SOX13: variants seen among roughly 807,000 people sequenced by gnomAD.
SOX13 encodes SRY-box transcription factor 13.
In SOX13, 28 loss-of-function variants were observed where a neutral mutation model predicts 71.8. The ratio of observed to expected loss-of-function variants is 0.39; its 90% CI spans 0.29 to 0.53. The LOEUF (loss-of-function observed/expected upper bound fraction) is 0.53. Among genes scored for constraint, SOX13 ranks in the 20% least tolerant of loss-of-function variants. SOX13 has a pLI of 0.70. For synonymous variants in SOX13, 309 were observed against 317.8 expected (o/e 0.97, Z 0.29); for missense variants, 627 against 810.3 (o/e 0.77, Z 2.75).
Position 204,082,474 on chromosome 1 carries a change from G to T in SOX13, c.-2+8763G>T, listed in dbSNP as rs557473581. ...CAAGCACGTTGGGGTTTCAATCCCA[G>T]TATACCTGGGGAGGAGCAGTAGTGG... is the stretch of plus-strand genomic sequence containing the variant. On this transcript the variant is annotated intron_variant, in intron 1 of 13. Transcript: ENST00000367204. 2.6e-5 allele frequency among the ~76,000 whole-genome samples: 4 copies of T among 152,322 alleles called. No homozygotes were observed. In the East Asian group the frequency reaches 7.7e-4, roughly 29 times the overall value.
At chr1:204,108,369 G>A (rs1656512506) in intron 1 of SOX13, among the ~76,000 whole-genome samples, 1 of 152,198 alleles carries the variant, frequency 6.6e-6, no homozygotes, top group African/African-American at 2.4e-5. Flanking sequence ...GTAGCCGCAT[G>A]GGGCAAGTGG....
intron 2 of SOX13, among the ~76,000 whole-genome samples, chr1:204,113,853 T>C (rs1656636131): frequency 6.6e-6 from 1 of 152,020 alleles, no homozygotes; most frequent in Non-Finnish European, 1.5e-5. Flanking sequence ...TGAGTAACTT[T>C]TGCCAGCCCC....
At chr1:204,117,567 C>T in intron 6 of SOX13, 26 bp from the exon 7 acceptor site, 3 of 1,491,078 alleles carry the variant, frequency 2.0e-6, no homozygotes, top group Admixed American at 3.6e-5. Context: ...TCCCTGGGGA[C>T]TCACACAGGG....
At chr1:204,091,242 C>T (rs1290308679) in intron 1 of SOX13, among the ~76,000 whole-genome samples, 1 of 152,184 alleles carries the variant, frequency 6.6e-6, no homozygotes, top group Non-Finnish European at 1.5e-5. Flanking sequence ...AAAGACAAGT[C>T]GCGTTTCCTC....
chr1:204,118,400 G>C (rs1225179838), intron 7 of SOX13: 2 of 151,880 alleles, frequency 1.3e-5, no homozygotes, highest in East Asian at 3.9e-4. Context: ...CTGTCACCTG[G>C]GCTCTGGAGT....
At chr1:204,078,041 T>G (rs1196318084) in intron 1 of SOX13, 1 of 152,252 alleles carries the variant, frequency 6.6e-6, no homozygotes. Flanking sequence ...CTCGAACTCC[T>G]GACCTCAAAT....
intron 1 of SOX13, among the ~76,000 whole-genome samples, chr1:204,107,153 A>G (rs1656486630): frequency 6.6e-6 from 1 of 152,180 alleles, no homozygotes. Context: ...TTCACCCTGT[A>G]TTATCTGATC....
chr1:204,091,727 CGTGTGCGT>C (rs1390894650), intron 1 of SOX13, among the ~76,000 whole-genome samples: 1 of 100,824 alleles, frequency 9.9e-6, no homozygotes, highest in Non-Finnish European at 2.2e-5. Context: ...TCTTTGTGTG[CGTGTGCGT>C]GTGTGTGTGT....
intron 1 of SOX13, among the ~76,000 whole-genome samples, chr1:204,077,400 A>G (rs557597286): frequency 1.3e-5 from 2 of 152,320 alleles, no homozygotes; most frequent in African/African-American, 4.8e-5. Flanking sequence ...AGTTGCCCCA[A>G]GGGAGGGAAA....
At chr1:204,113,723 T>G (rs1392436489) in intron 2 of SOX13, among the ~76,000 whole-genome samples, 5 of 142,582 alleles carry the variant, frequency 3.5e-5, no homozygotes, top group East Asian at 2.1e-4. Context: ...AGGAAGGAGG[T>G]GGGGGGTGGG....
Position 204,116,518 on chromosome 1 carries a change from A to G in SOX13, c.430A>G (p.Ser144Gly). ...EAKDVKGTQE[S>G]LAEKELQLLV... Reference sequence around the variant, plus strand: ...TCACTGTGGAGCAGGGACCCAAGAGAGCCTAGCAGAGAAGGAGCTCCAGCT... The same window carrying G: ...TCACTGTGGAGCAGGGACCCAAGAGGGCCTAGCAGAGAAGGAGCTCCAGCT... The change falls in exon 5 of 14, where the codon AGC (serine) becomes GGC (glycine). Residue 144 changes from serine (S) to glycine (G), a missense_variant. Ser to Gly is a moderately conservative substitution (Grantham distance 56, BLOSUM62 0). This residue lies in a region of SOX13 where 447 missense variants were observed against 532.2 expected (regional missense o/e 0.84). Transcript: ENST00000367204. The G allele has an allele frequency of 6.2e-7, 1 of 1,613,874 alleles. No individual in the cohort carries two copies. The highest frequency in any genetic ancestry group is 2.2e-5 in the East Asian group (1 of 44,876).
chr1:204,106,847 G>A (rs1184635889), intron 1 of SOX13, among the ~76,000 whole-genome samples: 2 of 152,182 alleles, frequency 1.3e-5, no homozygotes, highest in Non-Finnish European at 2.9e-5. Flanking sequence ...ATTACCAATT[G>A]TGATAAATAC....
chr1:204,103,985 C>G (rs1041716024), intron 1 of SOX13, among the ~76,000 whole-genome samples: 1 of 152,222 alleles, frequency 6.6e-6, no homozygotes, highest in Non-Finnish European at 1.5e-5. Context: ...GGAGAAGACT[C>G]AGGTGCCTCT....
In SOX13 at chr1:204,095,225, G is replaced by A. The variant is rs145021808; in HGVS notation, c.-1-17690G>A. Among the ~76,000 whole-genome samples the A allele has an allele frequency of 3.9e-4, 60 of 152,294 alleles. 2 individuals are homozygous for A. The East Asian group carries it at 9.8e-3, about 25-fold the overall frequency. On this transcript the variant is annotated intron_variant, in intron 1 of 13. Coordinates refer to ENST00000367204, the MANE Select transcript of SOX13 (RefSeq NM_005686.3). Reference sequence around the variant, plus strand: ...ACCGCCAACTCTAAGATGGACATCCGAGGGGAAAGGATTTCCAGGAAAGTC... The same window carrying A: ...ACCGCCAACTCTAAGATGGACATCCAAGGGGAAAGGATTTCCAGGAAAGTC...
rs980814430 is a variant in SOX13, at chr1:204,123,896, C to T, written c.1375+92C>T. The T allele has an allele frequency of 1.4e-6, 2 of 1,382,530 alleles. No homozygotes were observed. The highest frequency in any genetic ancestry group is 2.8e-5 in the African/African-American group (2 of 70,310). The allele number at this position is 1,382,530 out of a possible 1,614,324, so 85.6% of individuals were successfully genotyped here. On this transcript the variant is annotated intron_variant, in intron 12 of 13. Coordinates refer to ENST00000367204, the MANE Select transcript of SOX13 (RefSeq NM_005686.3). The surrounding 1 kb of genome is among the most constrained non-coding windows in gnomAD (Gnocchi z 5.0). ...AGGGCTTGCTTGGTGATATTCCATA[C>T]TGTGTTGGACTCCAGTGGAATCTGA...
intron 2 of SOX13, 39 bp downstream of exon 2, chr1:204,113,173 C>T (rs761457364): frequency 4.8e-6 from 7 of 1,452,682 alleles, no homozygotes; most frequent in South Asian, 2.7e-5. Flanking sequence ...CACACCCATG[C>T]GCTGTACCTG....
Position 204,122,820 on chromosome 1 carries a change from G to A in SOX13, c.1025-34G>A, listed in dbSNP as rs1052392441. 1.6e-5 allele frequency: 22 copies of A among 1,364,088 alleles called. 1 individual carries two copies. Among genetic ancestry groups the A allele is most frequent in the Admixed American group, 6.6e-5 (3 of 45,536 alleles). The allele number at this position is 1,364,088 out of a possible 1,614,324, so 84.5% of individuals were successfully genotyped here. ...TGGGCTGATGCCCTCAGCTTCTCTC[G>A]CTTCTCTTCCCTCTCTTCTGCCCTC... is the stretch of plus-strand genomic sequence containing the variant. On this transcript the variant is annotated intron_variant, in intron 9 of 13. Coordinates refer to ENST00000367204, the MANE Select transcript of SOX13 (RefSeq NM_005686.3).
rs1655721813 is a variant in SOX13 at position 204,073,750 on chromosome 1, C to T, written c.-2+39C>T. Reference sequence around the variant, plus strand: ...TCCCCGCCATGATCGCGCCGTCGCGCCCATTTCCCCAGCTCTCTGAAGTTT... The same window carrying T: ...TCCCCGCCATGATCGCGCCGTCGCGTCCATTTCCCCAGCTCTCTGAAGTTT... On this transcript the variant is annotated intron_variant, in intron 1 of 13. Transcript: ENST00000367204. The surrounding 1 kb of genome is among the most constrained non-coding windows in gnomAD (Gnocchi z 6.8). 1 of 152,242 alleles carries T rather than the reference C, an allele frequency of 6.6e-6. No homozygotes were observed. The highest frequency in any genetic ancestry group is 2.4e-5 in the African/African-American group (1 of 41,428). 9.4% of individuals were successfully genotyped at this position (152,242 alleles called of 1,614,324 possible).
At position 204,123,860 on chromosome 1, in the gene SOX13, TG is replaced by T; in HGVS notation, c.1375+59del. 1 of 1,597,536 alleles carries T rather than the reference TG, an allele frequency of 6.3e-7. No individual in the cohort carries two copies. Among genetic ancestry groups the T allele is most frequent in the Non-Finnish European group, 8.6e-7 (1 of 1,166,520 alleles). On this transcript the variant is annotated intron_variant, in intron 12 of 13. Transcript: ENST00000367204. This position sits in a 1 kb window ranked among gnomAD's most constrained non-coding sequence, Gnocchi z 5.0. ...GTGTGACCTGGTTGCAGGAGCCAGC[TG>T]GGTCTATTCAGGGCTTGCTTGGTGA...
Sources: allele counts gnomAD v4.1 joint callset (sites outside exome capture counted in the v4.1 genomes callset), GRCh38; gene constraint gnomAD v4.1.1; regional missense constraint gnomAD v4.1.1; non-coding constraint Gnocchi (gnomAD v3.1); transcripts MANE v1.5; gene names NCBI Gene and HGNC (gene_info 2026-07-23, HGNC 2026-07-21).